Variants in EFTUD2 observed in about 807,000 individuals in gnomAD.
EFTUD2 encodes 116 kDa U5 small nuclear ribonucleoprotein component.
EFTUD2 carries 9 observed loss-of-function variants against 114.3 expected under a neutral mutation model. The observed-to-expected ratio is 0.08, with a 90% confidence interval of 0.05 to 0.14. The LOEUF (loss-of-function observed/expected upper bound fraction) is 0.14, where lower values mean the gene tolerates loss of function less well. EFTUD2 is among the 10% of genes least tolerant of loss of function. The pLI is 1.00. For synonymous variants in EFTUD2, 449 were observed against 462.3 expected (o/e 0.97, Z 0.37); for missense variants, 765 against 1,241.2 (o/e 0.62, Z 5.76).
Position 44,854,099 on chromosome 17 carries a change from C to A in EFTUD2, c.2347+170G>T. The A allele has an allele frequency of 7.0e-7, 1 of 1,430,610 alleles. No individual in the cohort carries two copies. Among genetic ancestry groups the A allele is most frequent in the Admixed American group, 2.8e-5 (1 of 36,218 alleles). The allele number at this position is 1,430,610 out of a possible 1,614,324, so 88.6% of individuals were successfully genotyped here. On this transcript the variant is annotated intron_variant, in intron 23 of 27. Coordinates refer to ENST00000426333, the MANE Select transcript of EFTUD2 (RefSeq NM_004247.4). The surrounding 1 kb of genome is among the most constrained non-coding windows in gnomAD (Gnocchi z 4.3). ...TTAAATTTCCATTTCCAGGCTACAC[C>A]ACCAGGATAAGGAAGGAAAAGGGAA...
intron 14 of EFTUD2, 67 bp from the exon 15 acceptor site, chr17:44,863,849 G>A (rs2145474559): frequency 6.3e-7 from 1 of 1,589,112 alleles, no homozygotes; most frequent in Non-Finnish European, 8.6e-7. Context: ...GAGTTACTGA[G>A]CCATTCACAA....
At chr17:44,885,554 TGA>T (rs947722827) in intron 3 of EFTUD2, among the ~76,000 whole-genome samples, 4 of 151,520 alleles carry the variant, frequency 2.6e-5, no homozygotes, top group Non-Finnish European at 5.9e-5. Flanking sequence ...GGCTTCATTT[TGA>T]GGGACAGTGG....
Position 44,850,509 on chromosome 17 carries a change from A to G in EFTUD2, c.*765T>C. Reference sequence around the variant, plus strand: ...ACTCTTTTTCACTGGGGGAGAACAGAGTAAGGGACTGGTGGTAGCTGGGGA... The same window carrying G: ...ACTCTTTTTCACTGGGGGAGAACAGGGTAAGGGACTGGTGGTAGCTGGGGA... On this transcript the variant is annotated 3_prime_UTR_variant, in exon 28 of 28. Coordinates refer to ENST00000426333, the MANE Select transcript of EFTUD2 (RefSeq NM_004247.4). 1.3e-6 allele frequency: 1 copy of G among 748,886 alleles called. No individual in the cohort carries two copies. The highest frequency in any genetic ancestry group is 1.7e-5 in the South Asian group (1 of 59,472). The allele number at this position is 748,886 out of a possible 1,614,324, so 46.4% of individuals were successfully genotyped here. A position where few individuals can be genotyped will look rare whatever the true frequency, so the allele number is the denominator to read the frequency against.
In EFTUD2 at chr17:44,854,205, C is replaced by T. The variant is rs954728201; in HGVS notation, c.2347+64G>A. The T allele has an allele frequency of 3.7e-5, 57 of 1,520,936 alleles. No individual in the cohort carries two copies. Among genetic ancestry groups the T allele is most frequent in the Non-Finnish European group, 4.8e-5 (54 of 1,119,906 alleles). 94.2% of individuals were successfully genotyped at this position (1,520,936 alleles called of 1,614,324 possible). A position where few individuals can be genotyped will look rare whatever the true frequency, so the allele number is the denominator to read the frequency against. ...GAATCCTAAAGATGGTGAGCCCATCCCACTCATATGCCTGGCTGCAAGGAC... is the reference window on the plus strand; with the variant it reads ...GAATCCTAAAGATGGTGAGCCCATCTCACTCATATGCCTGGCTGCAAGGAC... On this transcript the variant is annotated intron_variant, in intron 23 of 27. Coordinates refer to ENST00000426333, the MANE Select transcript of EFTUD2 (RefSeq NM_004247.4). This position sits in a 1 kb window ranked among gnomAD's most constrained non-coding sequence, Gnocchi z 4.3.
intron 26 of EFTUD2, 73 bp from the exon 27 acceptor site, chr17:44,851,890 C>T (rs934206563): frequency 7.9e-7 from 1 of 1,273,150 alleles, no homozygotes. Flanking sequence ...CAGGACTCTT[C>T]TTATTTATTT....
chr17:44,868,526 G>A (rs1190509379), intron 11 of EFTUD2, 176 bp from the exon 12 acceptor site: 1 of 592,170 alleles, frequency 1.7e-6, no homozygotes, highest in South Asian at 2.2e-5. Context: ...AGAAGGACAA[G>A]ACTGGTCCAA....
rs1165356736 is a variant in EFTUD2, at chr17:44,850,385, G to A, written c.*889C>T. ...CGTCAAGAGGATGGCACAGGATGCT[G>A]GAGAGAAGTAGGACTCCTATAGGAG... On this transcript the variant is annotated 3_prime_UTR_variant, in exon 28 of 28. Transcript: ENST00000426333. 5 of 1,612,568 alleles carry A rather than the reference G, an allele frequency of 3.1e-6. No individual in the cohort carries two copies. Among genetic ancestry groups the A allele is most frequent in the Non-Finnish European group, 4.2e-6 (5 of 1,179,104 alleles).
chr17:44,862,702 G>A lies in EFTUD2; in HGVS notation c.1607+11C>T, dbSNP rs753825920. The A allele has an allele frequency of 1.2e-6, 2 of 1,610,004 alleles. No individual in the cohort carries two copies. Among genetic ancestry groups the A allele is most frequent in the Admixed American group, 1.7e-5 (1 of 59,786 alleles). ...ACCAAGGCATACTCCTGGGGCTCTG[G>A]TTGGCAGTACCTGGCCACAGAGATC... On this transcript the variant is annotated intron_variant, in intron 16 of 27. Transcript: ENST00000426333.
Position 44,860,417 on chromosome 17 carries a change from C to G in EFTUD2, c.1719+15G>C. 1 of 1,602,816 alleles carries G rather than the reference C, an allele frequency of 6.2e-7. No individual in the cohort carries two copies. The highest frequency in any genetic ancestry group is 8.5e-7 in the Non-Finnish European group (1 of 1,169,786). Reference sequence around the variant, plus strand: ...TAGCTTAAGCCAACCCAGTTGGTCTCTTCAGAAACTCTACCTCCTCATTGC... The same window carrying G: ...TAGCTTAAGCCAACCCAGTTGGTCTGTTCAGAAACTCTACCTCCTCATTGC... On this transcript the variant is annotated intron_variant, in intron 17 of 27. Transcript: ENST00000426333.
chr17:44,887,631 C>T lies in EFTUD2; in HGVS notation c.106-881G>A, dbSNP rs566295115. On this transcript the variant is annotated intron_variant, in intron 2 of 27. Transcript: ENST00000426333. ...TTTATATGAAAATATTCAGAATAGG[C>T]GAATCTATATAGACAGAAAGCAGAT... 2.0e-5 allele frequency among the ~76,000 whole-genome samples: 3 copies of T among 152,052 alleles called. No homozygotes were observed. The South Asian group carries it at 6.2e-4, about 32-fold the overall frequency.
At chr17:44,880,736 G>C in intron 7 of EFTUD2, 92 bp from the exon 8 acceptor site, 1 of 912,220 alleles carries the variant, frequency 1.1e-6, no homozygotes. Flanking sequence ...AAATTACACT[G>C]ATGCCTCTCC....
intron 19 of EFTUD2, among the ~76,000 whole-genome samples, chr17:44,857,920 C>CTTTTTTTTTTTTTTTTTTTTTT (rs528299306): frequency 7.8e-6 from 1 of 127,496 alleles, no homozygotes; most frequent in African/African-American, 3.1e-5. Flanking sequence ...TTTCTTTTTC[C>CTTTTTTTTTTTTTTTTTTTTTT]TTTTTTTTTT....
chr17:44,897,025 G>A (rs144828939), intron 1 of EFTUD2, among the ~76,000 whole-genome samples: 1,851 of 152,068 alleles, frequency 0.012, 39 homozygotes, highest in African/African-American at 0.042. Flanking sequence ...GACCATCCTG[G>A]CTAACACGGT....
At chr17:44,890,084 T>C (rs187140915) in intron 2 of EFTUD2, among the ~76,000 whole-genome samples, 1 of 152,178 alleles carries the variant, frequency 6.6e-6, no homozygotes, top group Non-Finnish European at 1.5e-5. Context: ...CTCAGCTCAC[T>C]GCAACCTCTG....
chr17:44,860,796 T>C (rs1017534144), intron 16 of EFTUD2, among the ~76,000 whole-genome samples: 1 of 151,906 alleles, frequency 6.6e-6, no homozygotes, highest in African/African-American at 2.4e-5. Context: ...ACGGGGTTTT[T>C]TCATGTTGTC....
chr17:44,888,029 G>A (rs923064261), intron 2 of EFTUD2, among the ~76,000 whole-genome samples: 3 of 152,026 alleles, frequency 2.0e-5, no homozygotes, highest in African/African-American at 7.3e-5. Context: ...AGGTGCTACT[G>A]AAGCAAAAAA....
intron 26 of EFTUD2, 130 bp from the exon 27 acceptor site, chr17:44,851,947 C>T (rs541637318): frequency 8.4e-6 from 7 of 837,294 alleles, no homozygotes; most frequent in South Asian, 2.1e-5. Context: ...GATGGAGTTT[C>T]GCTCTTGTCT....
intron 7 of EFTUD2, among the ~76,000 whole-genome samples, chr17:44,881,256 G>A (rs1331887417): frequency 6.6e-6 from 1 of 152,178 alleles, no homozygotes; most frequent in Non-Finnish European, 1.5e-5. Flanking sequence ...AAGACAAAAA[G>A]AGAAACACAA....
intron 23 of EFTUD2, 130 bp from the exon 24 acceptor site, chr17:44,853,765 G>T (rs1186726621): frequency 1.0e-5 from 15 of 1,502,992 alleles, no homozygotes; most frequent in Non-Finnish European, 1.3e-5. Flanking sequence ...GAAATCAAAT[G>T]GGAGGTGGGC....
Sources: gnomAD v4.1 joint callset for allele counts (sites outside exome capture counted in the v4.1 genomes callset) on GRCh38, gnomAD v4.1.1 for gene constraint, Gnocchi (gnomAD v3.1) non-coding constraint, MANE v1.5 for transcripts, NCBI Gene and HGNC (gene_info 2026-07-23, HGNC 2026-07-21) for gene names.